Variants in DNAJC2 observed in about 807,000 individuals in gnomAD.
DNAJC2 encodes dnaJ homolog subfamily C member 2.
DNAJC2 carries 32 observed loss-of-function variants against 94.0 expected under a neutral mutation model. The ratio of observed to expected loss-of-function variants is 0.34; its 90% CI spans 0.26 to 0.46. The LOEUF (loss-of-function observed/expected upper bound fraction) is 0.46, where lower values mean the gene tolerates loss of function less well. Among genes scored for constraint, DNAJC2 ranks in the 20% least tolerant of loss-of-function variants. The pLI is 1.00. For missense variants in DNAJC2, 550 were observed against 719.5 expected (o/e 0.76, Z 2.69); for synonymous variants, 210 against 229.7 (o/e 0.91, Z 0.77).
chr7:103,316,923 C>G lies in DNAJC2; in HGVS notation c.1334G>C (p.Gly445Ala), dbSNP rs1330980336. The change falls in exon 13 of 17, where the codon GGT becomes GCT. Residue 445 changes from glycine to alanine, a missense_variant. Transcript: ENST00000379263. ...QASKNTEKST[G>A]GGGNGSKNWS... ...ATTTTTACTTCCATTTCCACCTCCA[C>G]CAGTTGATTTCTCTGTGTTCTTAGA... is the stretch of plus-strand genomic sequence containing the variant. 2 of 1,614,064 alleles carry G rather than the reference C, an allele frequency of 1.2e-6. No individual in the cohort carries two copies. The highest frequency in any genetic ancestry group is 4.5e-5 in the East Asian group (2 of 44,880).
chr7:103,337,670 T>C (rs375996088), intron 3 of DNAJC2, 66 bp downstream of exon 3: 1 of 1,294,246 alleles, frequency 7.7e-7, no homozygotes, highest in East Asian at 2.3e-5. Context: ...GTATATCTTT[T>C]AAAAAGCATA....
intron 2 of DNAJC2, among the ~76,000 whole-genome samples, chr7:103,338,944 G>C (rs1271554298): frequency 1.3e-5 from 2 of 151,940 alleles, no homozygotes; most frequent in African/African-American, 4.8e-5. Context: ...ATTTAAAAAA[G>C]AGGTAAATGT....
intron 2 of DNAJC2, among the ~76,000 whole-genome samples, chr7:103,341,374 A>G (rs1336535374): frequency 3.3e-5 from 5 of 152,216 alleles, no homozygotes; most frequent in Non-Finnish European, 5.9e-5. Flanking sequence ...TAAAGACACT[A>G]GATTTCTCAT....
rs1243953433 is a variant in DNAJC2 at position 103,324,513 on chromosome 7, A to G, written c.622T>C (p.Phe208Leu). 1.3e-6 allele frequency: 2 copies of G among 1,498,544 alleles called. No homozygotes were observed. Among genetic ancestry groups the G allele is most frequent in the African/African-American group, 2.8e-5 (2 of 70,444 alleles). The allele number at this position is 1,498,544 out of a possible 1,614,324, so 92.8% of individuals were successfully genotyped here. A position where few individuals can be genotyped will look rare whatever the true frequency, so the allele number is the denominator to read the frequency against. The change falls in exon 6 of 17, where the codon TTT becomes CTT. Residue 208 changes from phenylalanine (F) to leucine (L), a missense_variant. Physicochemically the swap from Phe to Leu is conservative, Grantham distance 22 (BLOSUM62 0). Transcript: ENST00000379263. ...GAATAAAATATATCTACATCTTCAA[A>G]TGATGAATTCATATCACCAAGTTTA... ...VPKLGDMNSS[F>L]EDVDIFYSFW... is the part of the protein sequence containing the mutation.
At chr7:103,342,031 G>A (rs1586118138) in intron 1 of DNAJC2, 77 bp from the exon 2 acceptor site, 3 of 1,208,128 alleles carry the variant, frequency 2.5e-6, no homozygotes, top group African/African-American at 1.5e-5. Context: ...AATTTTTTCA[G>A]GAAATAAAAT....
At chr7:103,316,642 G>A (rs911024381) in intron 13 of DNAJC2, 188 bp downstream of exon 13, 1 of 594,416 alleles carries the variant, frequency 1.7e-6, no homozygotes, top group Non-Finnish European at 3.0e-6. Context: ...ATGTATATGT[G>A]CATGTGTACT....
chr7:103,332,652 G>A (rs1224161713), intron 3 of DNAJC2, among the ~76,000 whole-genome samples: 1 of 151,770 alleles, frequency 6.6e-6, no homozygotes, highest in Non-Finnish European at 1.5e-5. Context: ...AGGGGATGGG[G>A]ACAGGGTCTT....
intron 16 of DNAJC2, 90 bp from the exon 17 acceptor site, chr7:103,312,733 AAGAT>A (rs573869210): frequency 1.9e-5 from 30 of 1,573,028 alleles, no homozygotes; most frequent in African/African-American, 5.5e-5. Flanking sequence ...TCAAGCAACT[AAGAT>A]AGATAGTACT....
intron 1 of DNAJC2, among the ~76,000 whole-genome samples, chr7:103,342,797 A>C (rs1011639877): frequency 1.3e-5 from 2 of 150,924 alleles, no homozygotes; most frequent in African/African-American, 4.9e-5. Flanking sequence ...TTTAGTAAAG[A>C]CGGGGTTTCA....
intron 12 of DNAJC2, among the ~76,000 whole-genome samples, chr7:103,318,640 CTA>C (rs1818206366): frequency 6.6e-6 from 1 of 152,124 alleles, no homozygotes; most frequent in Non-Finnish European, 1.5e-5. Flanking sequence ...AGGCATAGTG[CTA>C]TATATAGTAG....
At chr7:103,324,615 G>T in intron 5 of DNAJC2, 53 bp from the exon 6 acceptor site, 1 of 1,305,550 alleles carries the variant, frequency 7.7e-7, no homozygotes, top group Non-Finnish European at 1.0e-6. Context: ...ATGTACAACA[G>T]TTCAACAAAC....
At chr7:103,340,224 TTTTTCTTTG>T (rs1819326022) in intron 2 of DNAJC2, among the ~76,000 whole-genome samples, 1 of 152,234 alleles carries the variant, frequency 6.6e-6, no homozygotes, top group East Asian at 1.9e-4. Flanking sequence ...ACAAAGTGTC[TTTTTCTTTG>T]TTTTCTTTCT....
At chr7:103,331,961 G>T (rs1459707634) in intron 3 of DNAJC2, among the ~76,000 whole-genome samples, 1 of 151,648 alleles carries the variant, frequency 6.6e-6, no homozygotes, top group Non-Finnish European at 1.5e-5. Flanking sequence ...TGCTAATTTA[G>T]ATTCCTACCA....
chr7:103,337,176 G>A (rs1819206192), intron 3 of DNAJC2: 1 of 152,540 alleles, frequency 6.6e-6, no homozygotes, highest in Non-Finnish European at 1.5e-5. Flanking sequence ...GGATTGCAAA[G>A]CATAGGACAT....
At chr7:103,337,848 T>C (rs985294758) in intron 2 of DNAJC2, 37 bp from the exon 3 acceptor site, 2 of 1,488,582 alleles carry the variant, frequency 1.3e-6, no homozygotes, top group Non-Finnish European at 1.9e-6. Context: ...AAATTTGAAA[T>C]GAAGCCAATA....
rs1181888646 is a variant in DNAJC2, at chr7:103,313,116, T to A, written c.1637-15A>T. 1.9e-6 allele frequency: 3 copies of A among 1,592,382 alleles called. No individual in the cohort carries two copies. The highest frequency in any genetic ancestry group is 2.6e-6 in the Non-Finnish European group (3 of 1,173,188). On this transcript the variant is annotated splice_polypyrimidine_tract_variant and intron_variant, in intron 15 of 16. Coordinates refer to ENST00000379263, the MANE Select transcript of DNAJC2 (RefSeq NM_014377.3). ...TGTATATGGACCTGATTAAGAAAAA[T>A]TTTTATTTGAAAACTGTCTTTGAAC... is the stretch of plus-strand genomic sequence containing the variant.
intron 4 of DNAJC2, chr7:103,327,360 T>G (rs2115945733): frequency 7.8e-7 from 1 of 1,284,162 alleles, no homozygotes. Flanking sequence ...GAGCTTCTGA[T>G]AAGAATCACC....
intron 5 of DNAJC2, among the ~76,000 whole-genome samples, chr7:103,325,745 C>T (rs969943920): frequency 1.2e-4 from 16 of 139,030 alleles, no homozygotes; most frequent in African/African-American, 4.9e-4. Flanking sequence ...AATATTGGTA[C>T]ATAACTATTT....
rs183372676 is a variant in DNAJC2, at chr7:103,330,672, G to A, written c.332-2918C>T. Among the ~76,000 whole-genome samples, 320 of 150,118 alleles carry A rather than the reference G, an allele frequency of 2.1e-3. 2 individuals are homozygous for A. In the Middle Eastern group the frequency reaches 0.026, roughly 12 times the overall value. On this transcript the variant is annotated intron_variant, in intron 3 of 16. Transcript: ENST00000379263. ...TCACCATGTTGGCCAGGCTGGTCTCGAACTCCTGACCTCGTGATCTGCCCA... is the reference window on the plus strand; with the variant it reads ...TCACCATGTTGGCCAGGCTGGTCTCAAACTCCTGACCTCGTGATCTGCCCA...
Sources: gnomAD v4.1 joint callset for allele counts (sites outside exome capture counted in the v4.1 genomes callset) on GRCh38, gnomAD v4.1.1 for gene constraint, MANE v1.5 for transcripts, NCBI Gene and HGNC (gene_info 2026-07-23, HGNC 2026-07-21) for gene names.